The following PBX3 variants were observed in gnomAD, a reference collection of about 807,000 sequenced individuals.
PBX3 encodes PBX homeobox 3.
PBX3 carries 14 observed loss-of-function variants against 48.5 expected under a neutral mutation model. The ratio of observed to expected loss-of-function variants is 0.29; its 90% CI spans 0.19 to 0.45. PBX3 has a LOEUF of 0.45. Among genes scored for constraint, PBX3 ranks in the 20% least tolerant of loss-of-function variants. The pLI is 1.00. For missense variants in PBX3, 386 were observed against 546.7 expected, an observed-to-expected ratio of 0.71 and a Z score of 2.93; for synonymous variants, 210 against 200.3, an observed-to-expected ratio of 1.05 and a Z score of -0.41.
intron 2 of PBX3, among the ~76,000 whole-genome samples, chr9:125,776,049 T>C (rs963697668): frequency 2.6e-5 from 4 of 152,236 alleles, no homozygotes; most frequent in African/African-American, 9.6e-5. Flanking sequence ...AAAGACAGTT[T>C]TACTTATTCC....
chr9:125,913,139 G>T (rs182372213), intron 2 of PBX3, among the ~76,000 whole-genome samples: 3 of 152,052 alleles, frequency 2.0e-5, no homozygotes, highest in Admixed American at 1.3e-4. Context: ...CTTTATTATT[G>T]ATAGTCTTCT....
rs1839668112 is a variant in PBX3, at chr9:125,854,459, A to C, written c.275-61227A>C. Among the ~76,000 whole-genome samples the C allele has an allele frequency of 2.0e-5, 3 of 152,134 alleles. No homozygotes were observed. The South Asian group carries it at 6.2e-4, about 31-fold the overall frequency. ...CCCTAATTTATTTTTAATATTAAAA[A>C]ATTTAATCTATTGGACACCCCCTGC... is the stretch of plus-strand genomic sequence containing the variant. On this transcript the variant is annotated intron_variant, in intron 2 of 8. Transcript: ENST00000373489.
At chr9:125,780,408 G>C in intron 2 of PBX3, among the ~76,000 whole-genome samples, 2 of 76,996 alleles carry the variant, frequency 2.6e-5, no homozygotes, top group African/African-American at 1.3e-4. Context: ...TGGCCGGGCG[G>C]GGGGCTGACC....
intron 2 of PBX3, among the ~76,000 whole-genome samples, chr9:125,880,140 G>A (rs10987003): frequency 0.04 from 6,127 of 152,258 alleles, 309 homozygotes; most frequent in East Asian, 0.17. Flanking sequence ...CGCCTCCCGG[G>A]TTCAAGCAGT....
chr9:125,761,471 G>A (rs1467704767), intron 2 of PBX3, among the ~76,000 whole-genome samples: 1 of 152,098 alleles, frequency 6.6e-6, no homozygotes, highest in Non-Finnish European at 1.5e-5. Context: ...TTGGAATAGA[G>A]TAACCATTTT....
At chr9:125,956,762 A>C (rs1344011163) in intron 5 of PBX3, among the ~76,000 whole-genome samples, 1 of 152,228 alleles carries the variant, frequency 6.6e-6, no homozygotes, top group African/African-American at 2.4e-5. Context: ...ATGCGGCTCA[A>C]CAGAGAGGCA....
intron 2 of PBX3, among the ~76,000 whole-genome samples, chr9:125,823,122 C>T (rs965537878): frequency 5.9e-5 from 9 of 152,212 alleles, no homozygotes; most frequent in Admixed American, 2.6e-4. Context: ...TATTTGATGA[C>T]GCTTCTGTGG....
At chr9:125,855,879 T>A (rs1839707136) in intron 2 of PBX3, among the ~76,000 whole-genome samples, 1 of 152,216 alleles carries the variant, frequency 6.6e-6, no homozygotes, top group African/African-American at 2.4e-5. Context: ...TACAACTGTA[T>A]AAAATTTACA....
chr9:125,811,470 A>G (rs756972320), intron 2 of PBX3, among the ~76,000 whole-genome samples: 6 of 152,118 alleles, frequency 3.9e-5, no homozygotes, highest in Non-Finnish European at 8.8e-5. Context: ...ATGGGTTCTC[A>G]TGAGATCCGA....
intron 2 of PBX3, among the ~76,000 whole-genome samples, chr9:125,819,895 A>G (rs988131892): frequency 3.3e-5 from 5 of 152,178 alleles, no homozygotes; most frequent in African/African-American, 1.2e-4. Context: ...TTTCTGCCAC[A>G]TTTAATTAGT....
chr9:125,777,996 C>T (rs1009081651), intron 2 of PBX3, among the ~76,000 whole-genome samples: 6 of 140,922 alleles, frequency 4.3e-5, no homozygotes, highest in African/African-American at 1.1e-4. Flanking sequence ...AGTGTCACTT[C>T]GTTGCCCAGG....
intron 2 of PBX3, among the ~76,000 whole-genome samples, chr9:125,855,109 T>C (rs1839686405): frequency 1.3e-5 from 2 of 152,216 alleles, no homozygotes; most frequent in African/African-American, 4.8e-5. Flanking sequence ...TGTCTTTCAA[T>C]GGTTGATTCA....
At chr9:125,883,720 A>G (rs1366353942) in intron 2 of PBX3, among the ~76,000 whole-genome samples, 1 of 152,182 alleles carries the variant, frequency 6.6e-6, no homozygotes, top group South Asian at 2.1e-4. Context: ...CCTTGAAGCA[A>G]GTGGTTGTCC....
In PBX3 at chr9:125,966,586, C is replaced by T. The variant is rs1260016788; in HGVS notation, c.*663C>T. ...TTCTGAGAGACGAAGATACTTGCTG[C>T]TGATAGAGGTGAAAACGAGATTGAT... On this transcript the variant is annotated 3_prime_UTR_variant, in exon 9 of 9. Transcript: ENST00000373489. 2 of 152,632 alleles carry T rather than the reference C, an allele frequency of 1.3e-5. No homozygotes were observed. Among genetic ancestry groups the T allele is most frequent in the African/African-American group, 4.8e-5 (2 of 41,440 alleles). The allele number at this position is 152,632 out of a possible 1,614,324, so 9.5% of individuals were successfully genotyped here. A position where few individuals can be genotyped will look rare whatever the true frequency, so the allele number is the denominator to read the frequency against.
intron 2 of PBX3, among the ~76,000 whole-genome samples, chr9:125,774,202 A>G (rs1837013680): frequency 6.6e-6 from 1 of 152,162 alleles, no homozygotes; most frequent in Non-Finnish European, 1.5e-5. Context: ...GAGCTGCTAC[A>G]CACTTTTAAC....
chr9:125,872,647 C>G (rs1461887574), intron 2 of PBX3, among the ~76,000 whole-genome samples: 2 of 151,916 alleles, frequency 1.3e-5, no homozygotes, highest in Non-Finnish European at 2.9e-5. Context: ...GTACTCCTAG[C>G]TACTCTGGAG....
intron 2 of PBX3, among the ~76,000 whole-genome samples, chr9:125,836,376 C>T (rs1332625981): frequency 2.6e-5 from 4 of 151,904 alleles, no homozygotes; most frequent in African/African-American, 9.7e-5. Context: ...ACCCGGGAAG[C>T]GGAGCTTGCA....
intron 2 of PBX3, among the ~76,000 whole-genome samples, chr9:125,902,217 TG>T (rs958691171): frequency 2.8e-4 from 42 of 151,650 alleles, no homozygotes; most frequent in Non-Finnish European, 8.9e-5. Context: ...AAGCTGCACC[TG>T]GATTGCATGC....
intron 5 of PBX3, among the ~76,000 whole-genome samples, chr9:125,959,708 C>G (rs2118809282): frequency 6.6e-6 from 1 of 152,284 alleles, no homozygotes; most frequent in East Asian, 1.9e-4. Flanking sequence ...CCCACCCAGC[C>G]TGATATCACA....
Sources: allele counts gnomAD v4.1 joint callset (sites outside exome capture counted in the v4.1 genomes callset), GRCh38; gene constraint gnomAD v4.1.1; transcripts MANE v1.5; gene names NCBI Gene and HGNC (gene_info 2026-07-23, HGNC 2026-07-21).